ALK: variants seen among roughly 807,000 people sequenced by gnomAD.
ALK encodes ALK receptor tyrosine kinase.
ALK carries 74 observed loss-of-function variants against 163.1 expected under a neutral mutation model. The observed-to-expected ratio is 0.45, with a 90% CI of 0.38 to 0.55. ALK has a LOEUF of 0.55. ALK is among the 20% of genes least tolerant of loss of function. The pLI is 0.00. For missense variants in ALK, 2,063 were observed against 2,105.3 expected (o/e 0.98, Z 0.39); for synonymous variants, 960 against 843.2 (o/e 1.14, Z -2.40).
intron 1 of ALK, among the ~76,000 whole-genome samples, chr2:29,861,849 T>C (rs1383613812): frequency 6.6e-6 from 1 of 152,098 alleles, no homozygotes; most frequent in Non-Finnish European, 1.5e-5. Context: ...TGCAAGCCAA[T>C]ATCCTTGAAC....
At chr2:29,233,042 G>A (rs993000157) in intron 14 of ALK, among the ~76,000 whole-genome samples, 1 of 152,218 alleles carries the variant, frequency 6.6e-6, no homozygotes, top group Non-Finnish European at 1.5e-5. Context: ...TGTGCATGGT[G>A]AAATTGGGCT....
chr2:29,564,841 C>T (rs912523424), intron 3 of ALK, among the ~76,000 whole-genome samples: 2 of 152,092 alleles, frequency 1.3e-5, no homozygotes, highest in Admixed American at 6.6e-5. Flanking sequence ...TTGGTTCCTG[C>T]ATGGTTATTT....
rs151064543 is a variant in ALK at position 29,217,197 on chromosome 2, TTTTG to T, written c.3646-3120_3646-3117del. On this transcript the variant is annotated intron_variant, in intron 23 of 28. Coordinates refer to ENST00000389048, the MANE Select transcript of ALK (RefSeq NM_004304.5). ...CTGTGTGTTGTGTACATGTGTGGTG[TTTTG>T]TGTGTGTTGCATGTTGCATAGATGT... is the stretch of plus-strand genomic sequence containing the variant. 8.7e-3 allele frequency among the ~76,000 whole-genome samples: 1,313 copies of T among 151,014 alleles called. 45 individuals are homozygous for T. The highest frequency in any genetic ancestry group is 0.059 in the Admixed American group (892 of 15,132).
intron 4 of ALK, among the ~76,000 whole-genome samples, chr2:29,460,394 G>A (rs752229623): frequency 2.0e-5 from 3 of 152,082 alleles, no homozygotes; most frequent in Non-Finnish European, 4.4e-5. Flanking sequence ...ATGCAGGCAC[G>A]CCTTGTTTTA....
rs1244034237 is a variant in ALK at position 29,222,627 on chromosome 2, AGAG to A, written c.3360-23_3360-21del. On this transcript the variant is annotated intron_variant, in intron 20 of 28. Transcript: ENST00000389048. ...AGACCCCTGTGCAAAGGAGAAGACA[AGAG>A]GAGACAGAGTCAAACAGGCCACAAT... 2 of 1,608,604 alleles carry A rather than the reference AGAG, an allele frequency of 1.2e-6. No individual in the cohort carries two copies. The highest frequency in any genetic ancestry group is 1.7e-6 in the Non-Finnish European group (2 of 1,176,602).
At chr2:29,520,192 T>C (rs1403612604) in intron 4 of ALK, among the ~76,000 whole-genome samples, 4 of 152,224 alleles carry the variant, frequency 2.6e-5, no homozygotes, top group Admixed American at 6.5e-5. Context: ...CAGTGTAGGA[T>C]GGTTAAGGCC....
At chr2:29,217,033 C>T (rs1403382155) in intron 23 of ALK, among the ~76,000 whole-genome samples, 12 of 113,590 alleles carry the variant, frequency 1.1e-4, no homozygotes, top group Non-Finnish European at 1.9e-4. Context: ...TGGTATGTGT[C>T]TGGGGGCATG....
intron 9 of ALK, among the ~76,000 whole-genome samples, chr2:29,291,313 G>A (rs1666016861): frequency 6.6e-5 from 10 of 151,978 alleles, no homozygotes; most frequent in Admixed American, 4.6e-4. Context: ...GCAGTGAGCT[G>A]TGATCATGCC....
intron 5 of ALK, among the ~76,000 whole-genome samples, chr2:29,354,235 A>G (rs1668187774): frequency 6.6e-6 from 1 of 152,186 alleles, no homozygotes; most frequent in Admixed American, 6.5e-5. Context: ...CTCCTCACAG[A>G]GTCTTCCCTG....
chr2:29,720,195 AAT>A (rs1056168694), intron 1 of ALK, among the ~76,000 whole-genome samples: 12 of 151,790 alleles, frequency 7.9e-5, no homozygotes, highest in African/African-American at 2.9e-4. Flanking sequence ...GGGGCCAGAT[AAT>A]ATATTCAGGG....
intron 11 of ALK, among the ~76,000 whole-genome samples, chr2:29,256,974 C>T (rs974938982): frequency 6.6e-6 from 1 of 152,190 alleles, no homozygotes; most frequent in African/African-American, 2.4e-5. Context: ...TCATAAGCAA[C>T]AGGACAAAAA....
At chr2:29,603,085 A>G (rs753976702) in intron 3 of ALK, among the ~76,000 whole-genome samples, 9 of 152,200 alleles carry the variant, frequency 5.9e-5, no homozygotes, top group Non-Finnish European at 1.0e-4. Context: ...TTTATTATCC[A>G]AAGACTTGGA....
In ALK at chr2:29,222,372, C is replaced by T. The variant is rs753670250; in HGVS notation, c.3487G>A (p.Asp1163Asn). Residue 1163 changes from aspartate (D) to asparagine (N), a missense_variant, in exon 22 of 29, where the codon GAT (aspartate) becomes AAT (asparagine). Transcript: ENST00000389048. ...PEVCSEQDEL[D>N]FLMEALIISK... ...ATGATCAGGGCTTCCATGAGGAAAT[C>T]CAGTTCGTCCTGTTCAGAGCACACT... is the stretch of plus-strand genomic sequence containing the variant. The T allele has an allele frequency of 6.2e-7, 1 of 1,614,056 alleles. No homozygotes were observed.
chr2:29,415,962 A>C (rs563669607), intron 4 of ALK, among the ~76,000 whole-genome samples: 1 of 152,142 alleles, frequency 6.6e-6, no homozygotes, highest in Admixed American at 6.5e-5. Context: ...TCAGGCCTTC[A>C]GCCTTGCACT....
intron 5 of ALK, among the ~76,000 whole-genome samples, chr2:29,352,766 T>C (rs1348749831): frequency 6.6e-6 from 1 of 152,172 alleles, no homozygotes; most frequent in Admixed American, 6.5e-5. Flanking sequence ...AGAGGGTTTG[T>C]GGGAAGTGGG....
chr2:29,194,963 T>C (rs1170394480), intron 28 of ALK, among the ~76,000 whole-genome samples: 3 of 152,094 alleles, frequency 2.0e-5, no homozygotes, highest in Non-Finnish European at 4.4e-5. Context: ...TAGGGAAAAT[T>C]TGTGGAAGAA....
At chr2:29,853,291 C>A (rs1378997914) in intron 1 of ALK, among the ~76,000 whole-genome samples, 3 of 152,172 alleles carry the variant, frequency 2.0e-5, no homozygotes, top group Admixed American at 6.5e-5. Flanking sequence ...ATGCCCAAAG[C>A]CTAACCCTGT....
intron 18 of ALK, 68 bp from the exon 19 acceptor site, chr2:29,225,633 G>T: frequency 7.6e-7 from 1 of 1,311,662 alleles, no homozygotes; most frequent in Non-Finnish European, 1.1e-6. Context: ...TCCCAAGTCA[G>T]AAATAACCTC....
chr2:29,883,090 A>AGAGGAAG (rs1007018168), intron 1 of ALK, among the ~76,000 whole-genome samples: 4 of 151,810 alleles, frequency 2.6e-5, no homozygotes, highest in African/African-American at 9.7e-5. Flanking sequence ...AGGAAGGGAG[A>AGAGGAAG]GAGGAAGGAG....
Sources: allele counts gnomAD v4.1 joint callset (sites outside exome capture counted in the v4.1 genomes callset), GRCh38; gene constraint gnomAD v4.1.1; transcripts MANE v1.5; gene names NCBI Gene and HGNC (gene_info 2026-07-23, HGNC 2026-07-21).